LEPROTL1: variants seen among roughly 807,000 people sequenced by gnomAD.
The protein encoded by LEPROTL1 is leptin receptor overlapping transcript like 1.
A neutral mutation model predicts 15.4 loss-of-function variants in LEPROTL1; 6 were observed. The observed-to-expected ratio is 0.39, with a 90% CI of 0.21 to 0.77. LEPROTL1 has a LOEUF of 0.77. Ranked by LOEUF, LEPROTL1 falls within the 30% of genes least tolerant of loss-of-function variation. The pLI is 0.41. For missense variants in LEPROTL1, 128 were observed against 158.1 expected (o/e 0.81, Z 1.02); for synonymous variants, 56 against 52.6 (o/e 1.06, Z -0.28).
chr8:30,131,308 A>G (rs149908154), intron 3 of LEPROTL1, among the ~76,000 whole-genome samples: 743 of 59,860 alleles, frequency 0.012, 6 homozygotes, highest in South Asian at 0.046. Context: ...GTGTGTGTGT[A>G]TATATATATA....
At chr8:30,102,917 TAA>T (rs1313082293) in intron 2 of LEPROTL1, among the ~76,000 whole-genome samples, 1 of 152,204 alleles carries the variant, frequency 6.6e-6, no homozygotes, top group Non-Finnish European at 1.5e-5. Flanking sequence ...TTCTTGGAGA[TAA>T]GTTTGCTTGT....
At chr8:30,103,483 G>A (rs980315740) in intron 2 of LEPROTL1, among the ~76,000 whole-genome samples, 15 of 152,036 alleles carry the variant, frequency 9.9e-5, no homozygotes, top group African/African-American at 3.6e-4. Flanking sequence ...GCTCATGCCT[G>A]TAATCCTAGC....
intron 3 of LEPROTL1, chr8:30,117,470 C>G: frequency 6.7e-7 from 1 of 1,497,954 alleles, no homozygotes; most frequent in South Asian, 1.1e-5. Flanking sequence ...GTTGTCAGTA[C>G]AATGAAACCA....
chr8:30,137,847 A>G, downstream of LEPROTL1: 1 of 303,846 alleles, frequency 3.3e-6, no homozygotes, highest in East Asian at 8.2e-5. Flanking sequence ...ATGGTTTAGG[A>G]GTCATGCAGC....
intron 1 of LEPROTL1, among the ~76,000 whole-genome samples, chr8:30,098,122 C>T (rs1802403468): frequency 6.6e-6 from 1 of 152,064 alleles, no homozygotes; most frequent in Admixed American, 6.6e-5. Context: ...TGTTTCCTCC[C>T]TCCTGTCAAA....
chr8:30,129,148 G>T (rs1039813940), intron 3 of LEPROTL1, among the ~76,000 whole-genome samples: 4 of 152,008 alleles, frequency 2.6e-5, no homozygotes, highest in African/African-American at 9.7e-5. Flanking sequence ...AGCTCCTCCT[G>T]CTTCAGCCTC....
rs190305886 is a variant in LEPROTL1 at position 30,102,477 on chromosome 8, C to G, written c.92+504C>G. Among the ~76,000 whole-genome samples, 534 of 151,794 alleles carry G rather than the reference C, an allele frequency of 3.5e-3. 2 individuals carry two copies. The highest frequency in any genetic ancestry group is 0.012 in the African/African-American group (477 of 41,424). On this transcript the variant is annotated intron_variant, in intron 2 of 3. Coordinates refer to ENST00000321250, the MANE Select transcript of LEPROTL1 (RefSeq NM_015344.3). ...ACCAGCCTGGCTAACATGGTGAAAC[C>G]CCATCTCTACTAAAAATACAAAAAA... is the stretch of plus-strand genomic sequence containing the variant.
downstream of LEPROTL1, among the ~76,000 whole-genome samples, chr8:30,111,095 G>C (rs932946393): frequency 6.6e-6 from 1 of 152,144 alleles, no homozygotes. Context: ...GTTTCTGAAA[G>C]GGTTTACAAT....
exon 4 of LEPROTL1, chr8:30,132,420 C>T: frequency 6.4e-7 from 1 of 1,551,746 alleles, no homozygotes; most frequent in South Asian, 1.2e-5. Context: ...CTCCAGGGCT[C>T]TGACCAAGCT....
intron 3 of LEPROTL1, among the ~76,000 whole-genome samples, chr8:30,120,456 T>G (rs527989396): frequency 7.4e-6 from 1 of 135,746 alleles, no homozygotes; most frequent in African/African-American, 2.6e-5. Context: ...TGTATGTATT[T>G]GTATATGCAT....
chr8:30,117,469 A>G lies in LEPROTL1; in HGVS notation c.279+12983A>G. 7 of 1,503,430 alleles carry G rather than the reference A, an allele frequency of 4.7e-6. 1 individual carries two copies. In the South Asian group the frequency reaches 6.7e-5, roughly 14 times the overall value. 93.1% of individuals were successfully genotyped at this position (1,503,430 alleles called of 1,614,324 possible). A position where few individuals can be genotyped will look rare whatever the true frequency, so the allele number is the denominator to read the frequency against. On this transcript the variant is annotated intron_variant, in intron 3 of 4. Coordinates refer to the LEPROTL1 transcript ENST00000442880. The stretch of plus-strand genomic sequence containing the variant: ...CATGATGCCAGCTGAGGTTGTCAGT[A>G]CAATGAAACCAAACTGAAGGGATGG...
At chr8:30,131,990 A>G (rs1585480782) in intron 3 of LEPROTL1, 1 of 1,552,158 alleles carries the variant, frequency 6.4e-7, no homozygotes, top group Non-Finnish European at 8.7e-7. Flanking sequence ...AGCAGAATAC[A>G]GTACACCATG....
At chr8:30,114,745 C>T (rs1014988243) in intron 3 of LEPROTL1, among the ~76,000 whole-genome samples, 5 of 152,222 alleles carry the variant, frequency 3.3e-5, no homozygotes, top group African/African-American at 1.2e-4. Context: ...AGGTTTATTT[C>T]TCACTCAATG....
At chr8:30,115,698 A>T (rs1290117899) in intron 3 of LEPROTL1, among the ~76,000 whole-genome samples, 2 of 151,950 alleles carry the variant, frequency 1.3e-5, no homozygotes, top group Non-Finnish European at 2.9e-5. Context: ...TCTGAATAAA[A>T]ACCTGTAAGT....
In LEPROTL1 at chr8:30,107,640, A is replaced by G; in HGVS notation, c.*1778A>G. On this transcript the variant is annotated 3_prime_UTR_variant, in exon 4 of 4. Coordinates refer to ENST00000321250, the MANE Select transcript of LEPROTL1 (RefSeq NM_015344.3). ...GCTGGAGCCTTCCCACTGGAGGCTG[A>G]AAGTGGCTTGTGGTATTATAATGTT... 6 of 985,798 alleles carry G rather than the reference A, an allele frequency of 6.1e-6. No individual in the cohort carries two copies. The highest frequency in any genetic ancestry group is 7.2e-6 in the Non-Finnish European group (6 of 829,930). The allele number at this position is 985,798 out of a possible 1,614,324, so 61.1% of individuals were successfully genotyped here.
exon 5 of LEPROTL1, chr8:30,137,442 G>A (rs1803173300): frequency 1.3e-6 from 2 of 1,551,564 alleles, no homozygotes; most frequent in Non-Finnish European, 8.7e-7. Context: ...AGTCACTTCT[G>A]GGCAGGCCTG....
At chr8:30,096,190 TTC>T (rs1802362542) in intron 1 of LEPROTL1, 2 of 783,608 alleles carry the variant, frequency 2.6e-6, no homozygotes, top group Non-Finnish European at 1.5e-6. Flanking sequence ...TTCAAAATTT[TTC>T]TTTTTTTCCT....
chr8:30,131,294 A>ATG lies in LEPROTL1; in HGVS notation c.280-1080_280-1079insGT, dbSNP rs71206232. 3.3e-3 allele frequency among the ~76,000 whole-genome samples: 161 copies of ATG among 49,138 alleles called. No individual in the cohort carries two copies. In the Middle Eastern group the frequency reaches 0.05, roughly 15 times the overall value. The allele number at this position is 49,138 out of a possible 152,430, so 32.2% of individuals were successfully genotyped here. On this transcript the variant is annotated intron_variant, in intron 3 of 4. Transcript: ENST00000442880. ...TATGTGTGTGTATATATATATATAT[A>ATG]TATGTGTGTGTGTATATATATATAT... is the stretch of plus-strand genomic sequence containing the variant.
chr8:30,132,313 C>T, intron 3 of LEPROTL1: 1 of 1,551,750 alleles, frequency 6.4e-7, no homozygotes, highest in African/African-American at 1.4e-5. Context: ...CCGTCGGAGC[C>T]ATCGAGCTGT....
Sources: allele counts gnomAD v4.1 joint callset (sites outside exome capture counted in the v4.1 genomes callset), GRCh38; gene constraint gnomAD v4.1.1; transcripts MANE v1.5; gene names NCBI Gene and HGNC (gene_info 2026-07-23, HGNC 2026-07-21).